The following GABRA5 variants were observed in gnomAD, a reference collection of about 807,000 sequenced individuals.
GABRA5 encodes the protein gamma-aminobutyric acid receptor subunit alpha-5.
Under a neutral mutation model 47.3 loss-of-function variants are expected in GABRA5, and 18 were observed. The ratio of observed to expected loss-of-function variants is 0.38; its 90% CI spans 0.26 to 0.56. GABRA5 has a LOEUF of 0.56. Ranked by LOEUF, GABRA5 falls within the 20% of genes least tolerant of loss-of-function variation. The probability of loss-of-function intolerance (pLI) is 0.71; values close to 1 mark genes in which losing one functional copy is unlikely to be tolerated. For synonymous variants in GABRA5, 237 were observed against 229.3 expected (o/e 1.03, Z -0.30); for missense variants, 365 against 599.3 (o/e 0.61, Z 4.08).
intron 7 of GABRA5, among the ~76,000 whole-genome samples, chr15:26,917,249 T>G (rs1491003708): frequency 6.6e-6 from 1 of 152,114 alleles, no homozygotes; most frequent in East Asian, 1.9e-4. Flanking sequence ...GTAATTTTCT[T>G]CTATTCCTTG....
chr15:26,899,118 T>C (rs775017829), intron 6 of GABRA5, among the ~76,000 whole-genome samples: 1 of 152,156 alleles, frequency 6.6e-6, no homozygotes, highest in Non-Finnish European at 1.5e-5. Flanking sequence ...CTGCCTTGGC[T>C]TCTTAAAGTG....
chr15:26,916,149 A>C (rs1046689448), intron 7 of GABRA5, among the ~76,000 whole-genome samples: 2 of 152,106 alleles, frequency 1.3e-5, no homozygotes, highest in Non-Finnish European at 2.9e-5. Flanking sequence ...TTCATTATAT[A>C]TCCAAGTTGA....
intron 6 of GABRA5, among the ~76,000 whole-genome samples, chr15:26,899,315 T>C (rs1893271440): frequency 6.6e-6 from 1 of 152,262 alleles, no homozygotes; most frequent in Admixed American, 6.5e-5. Flanking sequence ...ATACTTTGTA[T>C]GATTTTACAT....
rs141867908 is a variant in GABRA5, at chr15:26,878,377, A to G, written c.87-2469A>G. Among the ~76,000 whole-genome samples the G allele has an allele frequency of 1.4e-4, 22 of 152,346 alleles. No individual in the cohort carries two copies. The East Asian group carries it at 3.9e-3, about 27-fold the overall frequency. On this transcript the variant is annotated intron_variant, in intron 3 of 10. Transcript: ENST00000335625. ...TGAGAAAACACAGCATTTGCCTTCT[A>G]TGATACAGCACGAGCCTTTCTCTCC...
chr15:26,926,492 C>T (rs889799047), intron 7 of GABRA5, among the ~76,000 whole-genome samples: 8 of 151,942 alleles, frequency 5.3e-5, no homozygotes, highest in African/African-American at 1.7e-4. Flanking sequence ...TTTGAGGAGG[C>T]CAGTATAATG....
chr15:26,948,539 C>T lies in GABRA5; in HGVS notation c.*306C>T. On this transcript the variant is annotated 3_prime_UTR_variant, in exon 11 of 11. Coordinates refer to ENST00000335625, the MANE Select transcript of GABRA5 (RefSeq NM_000810.4). ...AAGATACGTATATTTTTAACTGCTT[C>T]AAGTGTTACCTAACAATGTTTTTTA... 3.6e-6 allele frequency: 1 copy of T among 278,270 alleles called. No individual in the cohort carries two copies. The highest frequency in any genetic ancestry group is 6.8e-6 in the Non-Finnish European group (1 of 147,592). The allele number at this position is 278,270 out of a possible 1,614,324, so 17.2% of individuals were successfully genotyped here.
At chr15:26,923,427 C>G (rs182774778) in intron 7 of GABRA5, among the ~76,000 whole-genome samples, 1 of 152,144 alleles carries the variant, frequency 6.6e-6, no homozygotes, top group Non-Finnish European at 1.5e-5. Context: ...TCCTTCTTGC[C>G]TCCAGGTTTC....
chr15:26,870,256 A>G (rs931603652), intron 3 of GABRA5, among the ~76,000 whole-genome samples: 1 of 152,102 alleles, frequency 6.6e-6, no homozygotes, highest in Non-Finnish European at 1.5e-5. Flanking sequence ...ATCTGGGGGG[A>G]AAGAAGACAT....
intron 6 of GABRA5, among the ~76,000 whole-genome samples, chr15:26,900,539 A>C (rs1893302755): frequency 6.6e-6 from 1 of 152,142 alleles, no homozygotes; most frequent in Non-Finnish European, 1.5e-5. Flanking sequence ...GTATTTTTTA[A>C]AAGAATTTCA....
At position 26,939,557 on chromosome 15, in the gene GABRA5, C is replaced by T. The variant is rs941779357; in HGVS notation, c.725-368C>T. 6.1e-5 allele frequency: 38 copies of T among 619,190 alleles called. No individual in the cohort carries two copies. In the Admixed American group the frequency reaches 1.0e-3, roughly 16 times the overall value. 38.4% of individuals were successfully genotyped at this position (619,190 alleles called of 1,614,324 possible). ...GACTCTGTCCACCCTCTGCAGGGCT[C>T]TGTGAAATCCTGAGTTACATCTGGG... is the stretch of plus-strand genomic sequence containing the variant. On this transcript the variant is annotated intron_variant, in intron 8 of 10. Coordinates refer to ENST00000335625, the MANE Select transcript of GABRA5 (RefSeq NM_000810.4).
At position 26,895,494 on chromosome 15, in the gene GABRA5, A is replaced by G. The variant is rs1595407094; in HGVS notation, c.497+11937A>G. Among the ~76,000 whole-genome samples the G allele has an allele frequency of 3.9e-5, 6 of 152,156 alleles. 1 individual carries two copies. The Middle Eastern group carries it at 0.02, about 518-fold the overall frequency. On this transcript the variant is annotated intron_variant, in intron 6 of 10. Transcript: ENST00000335625. Reference sequence around the variant, plus strand: ...GCTTCATGCCTTATGGAATAGAAATAGTACCTGTCTTCTAGTCTTGTTGAA... The same window carrying G: ...GCTTCATGCCTTATGGAATAGAAATGGTACCTGTCTTCTAGTCTTGTTGAA...
In GABRA5 at chr15:26,919,121, C is replaced by T. The variant is rs187941536; in HGVS notation, c.580+4236C>T. ...TTACCCCACTGCACTCCAGCCTAGG[C>T]AATAGTGTAACACCCTGTCTCAAGA... On this transcript the variant is annotated intron_variant, in intron 7 of 10. Transcript: ENST00000335625. Among the ~76,000 whole-genome samples the T allele has an allele frequency of 3.9e-4, 59 of 150,962 alleles. No individual in the cohort carries two copies. The East Asian group carries it at 1.0e-2, about 25-fold the overall frequency.
intron 2 of GABRA5, 140 bp downstream of exon 2, chr15:26,868,933 AC>A (rs1892394234): frequency 3.8e-6 from 1 of 266,172 alleles, no homozygotes; most frequent in Non-Finnish European, 7.3e-6. Flanking sequence ...GTGGAAAACA[AC>A]GAATTAGGGT....
At chr15:26,919,965 T>C (rs1293930668) in intron 7 of GABRA5, among the ~76,000 whole-genome samples, 1 of 149,538 alleles carries the variant, frequency 6.7e-6, no homozygotes, top group African/African-American at 2.5e-5. Context: ...TAAAAAAAAA[T>C]CCATTCATAA....
chr15:26,932,660 T>G (rs141818879), intron 7 of GABRA5, among the ~76,000 whole-genome samples: 246 of 152,300 alleles, frequency 1.6e-3, no homozygotes, highest in African/African-American at 5.6e-3. Context: ...TAAAGATACA[T>G]GCACGCATAT....
rs530294962 is a variant in GABRA5 at position 26,903,420 on chromosome 15, T to A, written c.498-11383T>A. Among the ~76,000 whole-genome samples, 8 of 152,254 alleles carry A rather than the reference T, an allele frequency of 5.3e-5. No homozygotes were observed. The East Asian group carries it at 9.6e-4, about 18-fold the overall frequency. On this transcript the variant is annotated intron_variant, in intron 6 of 10. Transcript: ENST00000335625. ...TGAATTGTGCTATAATGAATGTAAGTGTGCATGTCTCTTTATCATAGACTG... is the reference window on the plus strand; with the variant it reads ...TGAATTGTGCTATAATGAATGTAAGAGTGCATGTCTCTTTATCATAGACTG...
chr15:26,945,802 T>A (rs1032629358), intron 10 of GABRA5, among the ~76,000 whole-genome samples: 24 of 152,106 alleles, frequency 1.6e-4, no homozygotes, highest in African/African-American at 5.1e-4. Context: ...CCCAGGCGGG[T>A]GCTCCCTGCC....
intron 6 of GABRA5, among the ~76,000 whole-genome samples, chr15:26,888,286 T>C (rs1892927186): frequency 6.6e-6 from 1 of 152,226 alleles, no homozygotes; most frequent in Non-Finnish European, 1.5e-5. Flanking sequence ...TCCTGTTGCG[T>C]CCTCAAGAGG....
intron 7 of GABRA5, among the ~76,000 whole-genome samples, chr15:26,935,943 T>A (rs1468729919): frequency 6.6e-6 from 1 of 152,198 alleles, no homozygotes; most frequent in Admixed American, 6.5e-5. Flanking sequence ...CTTGGCTGTG[T>A]GTCCCCACCC....
Sources: allele counts gnomAD v4.1 joint callset (sites outside exome capture counted in the v4.1 genomes callset), GRCh38; gene constraint gnomAD v4.1.1; transcripts MANE v1.5; gene names NCBI Gene and HGNC (gene_info 2026-07-23, HGNC 2026-07-21).